POT1: variants seen among roughly 807,000 people sequenced by gnomAD.
The protein encoded by POT1 is protection of telomeres protein 1.
A neutral mutation model predicts 78.5 loss-of-function variants in POT1; 47 were observed. The ratio of observed to expected loss-of-function variants is 0.60; its 90% CI spans 0.47 to 0.76. The LOEUF (loss-of-function observed/expected upper bound fraction) is 0.76. Ranked by LOEUF, POT1 falls within the 30% of genes least tolerant of loss-of-function variation. The pLI, the probability that POT1 is intolerant of heterozygous loss-of-function variation, is 0.00. For synonymous variants in POT1, 259 were observed against 260.7 expected (o/e 0.99, Z 0.06); for missense variants, 646 against 749.9 (o/e 0.86, Z 1.62).
intron 6 of POT1, 78 bp downstream of exon 6, chr7:124,892,188 T>C: frequency 2.4e-6 from 2 of 845,456 alleles, no homozygotes; most frequent in Non-Finnish European, 3.7e-6. Flanking sequence ...TTCTAGGACT[T>C]AGGGTACAGA....
At chr7:124,891,697 T>C (rs1033686539) in intron 6 of POT1, among the ~76,000 whole-genome samples, 1 of 151,556 alleles carries the variant, frequency 6.6e-6, no homozygotes. Context: ...GGTATTTTCT[T>C]TGTGGTTACC....
At chr7:124,826,837 C>A (rs1158260852) in intron 17 of POT1, among the ~76,000 whole-genome samples, 2 of 152,018 alleles carry the variant, frequency 1.3e-5, no homozygotes, top group Admixed American at 6.6e-5. Context: ...CCACTGCACT[C>A]CAGCCTGGGC....
intron 9 of POT1, among the ~76,000 whole-genome samples, chr7:124,855,706 C>T (rs1232398718): frequency 1.3e-5 from 2 of 150,988 alleles, no homozygotes; most frequent in Admixed American, 1.3e-4. Flanking sequence ...GTAAATATGG[C>T]TAGTAAGAAA....
intron 7 of POT1, among the ~76,000 whole-genome samples, chr7:124,866,592 T>C (rs890733286): frequency 3.3e-5 from 5 of 152,214 alleles, no homozygotes; most frequent in Non-Finnish European, 7.3e-5. Context: ...CTCTGGTTTC[T>C]TGTTGTGAAA....
intron 2 of POT1, among the ~76,000 whole-genome samples, chr7:124,916,466 G>A (rs537659202): frequency 1.1e-4 from 17 of 152,218 alleles, no homozygotes; most frequent in African/African-American, 4.1e-4. Context: ...ACCCATCAGA[G>A]AGTTGAGGTC....
intron 6 of POT1, among the ~76,000 whole-genome samples, chr7:124,874,490 T>A (rs77718560): frequency 0.22 from 32,922 of 152,002 alleles, 3,991 homozygotes; most frequent in East Asian, 0.3. Flanking sequence ...TCCTAGCACT[T>A]TGGGAGGCCG....
intron 6 of POT1, among the ~76,000 whole-genome samples, chr7:124,887,866 T>G (rs1424364271): frequency 6.6e-6 from 1 of 152,136 alleles, no homozygotes; most frequent in Non-Finnish European, 1.5e-5. Flanking sequence ...TTCACTTTAT[T>G]ACCTCACAAT....
chr7:124,899,831 C>G (rs1262793237), intron 3 of POT1, among the ~76,000 whole-genome samples: 4 of 152,072 alleles, frequency 2.6e-5, no homozygotes, highest in Non-Finnish European at 5.9e-5. Context: ...TGTTAGAGTA[C>G]AGATGACCAT....
chr7:124,831,949 G>T (rs1794768378), intron 15 of POT1, among the ~76,000 whole-genome samples: 1 of 148,980 alleles, frequency 6.7e-6, no homozygotes, highest in Non-Finnish European at 1.5e-5. Context: ...TTAGAGAAGG[G>T]ATTGATATGG....
chr7:124,892,949 G>C (rs1318393118), intron 5 of POT1: 1 of 151,414 alleles, frequency 6.6e-6, no homozygotes, highest in Non-Finnish European at 1.5e-5. Context: ...TAAATGACTA[G>C]GCATAAAGAG....
chr7:124,890,261 T>C (rs1385744737), intron 6 of POT1, among the ~76,000 whole-genome samples: 1 of 151,882 alleles, frequency 6.6e-6, no homozygotes, highest in Non-Finnish European at 1.5e-5. Context: ...GAGCCTGAAA[T>C]TGTGACTGAA....
intron 6 of POT1, among the ~76,000 whole-genome samples, chr7:124,889,518 CCAAA>C (rs1482908180): frequency 2.0e-5 from 3 of 152,032 alleles, no homozygotes; most frequent in Non-Finnish European, 4.4e-5. Context: ...TCAATGTAAA[CCAAA>C]CAGTCTTCTC....
In POT1 at chr7:124,863,437, C is replaced by G. The variant is rs1465747847; in HGVS notation, c.459G>C (p.Leu153Phe). The G allele has an allele frequency of 6.2e-7, 1 of 1,613,844 alleles. No homozygotes were observed. The highest frequency in any genetic ancestry group is 1.3e-5 in the African/African-American group (1 of 74,932). Residue 153 changes from leucine (L) to phenylalanine (F), a missense_variant, in exon 8 of 19, where the codon TTG (leucine) becomes TTC (phenylalanine). Around this residue, in one of 2 missense-constraint regions of POT1, gnomAD observed 252 missense variants for 341.4 expected, o/e 0.74. Transcript: ENST00000357628. ...HMSPSWTLLK[L>F]CDVQPMQYFD... ...AATACTGCATTGGCTGAACATCACA[C>G]AATTTTAGTAATGTCCAAGACGGTG...
At chr7:124,885,897 T>A (rs1212771436) in intron 6 of POT1, among the ~76,000 whole-genome samples, 1 of 152,152 alleles carries the variant, frequency 6.6e-6, no homozygotes, top group Non-Finnish European at 1.5e-5. Flanking sequence ...ATTAATCTTA[T>A]CAAAACTGAA....
chr7:124,830,303 A>AT (rs1794728943), intron 15 of POT1, among the ~76,000 whole-genome samples: 2 of 152,162 alleles, frequency 1.3e-5, no homozygotes, highest in South Asian at 4.1e-4. Context: ...TGTTTATGAG[A>AT]TGTTGATAAG....
intron 3 of POT1, among the ~76,000 whole-genome samples, chr7:124,912,067 T>A (rs1796901193): frequency 6.6e-6 from 1 of 152,176 alleles, no homozygotes; most frequent in South Asian, 2.1e-4. Flanking sequence ...GGTTCAGATG[T>A]CTTCCCTCTA....
chr7:124,847,191 C>G (rs756907483), intron 11 of POT1, among the ~76,000 whole-genome samples, 193 bp from the exon 12 acceptor site: 4 of 152,182 alleles, frequency 2.6e-5, no homozygotes, highest in Admixed American at 6.5e-5. Flanking sequence ...TCAGCATAAT[C>G]CTTCGAAAAT....
intron 2 of POT1, among the ~76,000 whole-genome samples, chr7:124,919,727 T>C (rs575398090): frequency 1.6e-4 from 25 of 152,280 alleles, no homozygotes; most frequent in Admixed American, 1.6e-3. Flanking sequence ...ACTGATCTTC[T>C]AGCCTTCAGA....
intron 9 of POT1, chr7:124,858,701 T>C (rs1795505696): frequency 4.2e-6 from 1 of 239,220 alleles, no homozygotes; most frequent in African/African-American, 2.2e-5. Flanking sequence ...AATTTTTCTA[T>C]ACTATTTTCA....
Sources: allele counts gnomAD v4.1 joint callset (sites outside exome capture counted in the v4.1 genomes callset), GRCh38; gene constraint gnomAD v4.1.1; regional missense constraint gnomAD v4.1.1; transcripts MANE v1.5; gene names NCBI Gene and HGNC (gene_info 2026-07-23, HGNC 2026-07-21).